Variants in BCL11A observed in about 807,000 individuals in gnomAD.
BCL11A encodes the protein BCL11 transcription factor A.
A neutral mutation model predicts 55.9 loss-of-function variants in BCL11A; 2 were observed. That is an observed-to-expected ratio of 0.04 (90% CI 0.01 to 0.11). The LOEUF (loss-of-function observed/expected upper bound fraction) is 0.11. Among genes scored for constraint, BCL11A ranks in the 10% least tolerant of loss-of-function variants. The pLI is 1.00. For synonymous variants in BCL11A, 465 were observed against 473.4 expected, an observed-to-expected ratio of 0.98 and a Z score of 0.23; for missense variants, 817 against 1,137.1, an observed-to-expected ratio of 0.72 and a Z score of 4.05.
At chr2:60,513,471 C>T (rs1178254546) in intron 2 of BCL11A, among the ~76,000 whole-genome samples, 1 of 152,178 alleles carries the variant, frequency 6.6e-6, no homozygotes, top group South Asian at 2.1e-4. Context: ...CCATGGGAAC[C>T]CCTTTGGCAG....
intron 2 of BCL11A, chr2:60,527,782 G>A (rs1466202213): frequency 6.6e-6 from 1 of 152,210 alleles, no homozygotes; most frequent in African/African-American, 2.4e-5. Context: ...TCTCAGTGGA[G>A]GTCTATGTTA....
rs1158751961 is a variant in BCL11A, at chr2:60,461,120, C to T, written c.1792G>A (p.Asp598Asn). Residue 598 changes from aspartate (D) to asparagine (N), a missense_variant, in exon 4 of 4, where the codon GAC becomes AAC. This residue lies in a region of BCL11A where 379 missense variants were observed against 425.3 expected (regional missense o/e 0.89). Transcript: ENST00000642384. Reference sequence around the variant, plus strand: ...CCGCGGCCATTAACAGTGCCATCGTCTATGCGGTCCGACTCGCCGGCCACC... The same window carrying T: ...CCGCGGCCATTAACAGTGCCATCGTTTATGCGGTCCGACTCGCCGGCCACC... ...DSVAGESDRI[D>N]DGTVNGRGCS... 2 of 1,609,844 alleles carry T rather than the reference C, an allele frequency of 1.2e-6. No homozygotes were observed. Among genetic ancestry groups the T allele is most frequent in the African/African-American group, 2.7e-5 (2 of 74,904 alleles).
rs74743473 is a variant in BCL11A, at chr2:60,482,170, A to G, written c.386-13337T>C. 9.9e-3 allele frequency among the ~76,000 whole-genome samples: 1,499 copies of G among 151,866 alleles called. 22 individuals are homozygous for G. The highest frequency in any genetic ancestry group is 0.035 in the African/African-American group (1,429 of 41,354). On this transcript the variant is annotated intron_variant, in intron 2 of 3. Coordinates refer to ENST00000642384, the MANE Select transcript of BCL11A (RefSeq NM_022893.4). Reference sequence around the variant, plus strand: ...GCATCTCTCATGATTCTATCTTGAGAGTTTAGTTTGGTTGGAGTTTAGTTT... The same window carrying G: ...GCATCTCTCATGATTCTATCTTGAGGGTTTAGTTTGGTTGGAGTTTAGTTT...
rs562106993 is a variant in BCL11A, at chr2:60,523,551, A to ATACGTATG, written c.385+22412_385+22419dup. 7.7e-3 allele frequency among the ~76,000 whole-genome samples: 1,176 copies of ATACGTATG among 152,244 alleles called. 6 individuals are homozygous for ATACGTATG. The highest frequency in any genetic ancestry group is 0.012 in the Non-Finnish European group (849 of 68,018). The stretch of plus-strand genomic sequence containing the variant: ...ACTATATATATATTCATACATGCAT[A>ATACGTATG]TACGTATGTATATATGTAGTATGTA... On this transcript the variant is annotated intron_variant, in intron 2 of 3. Transcript: ENST00000642384.
Position 60,461,439 on chromosome 2 carries a change from G to T in BCL11A, c.1473C>A (p.Asp491Glu). The T allele has an allele frequency of 6.2e-7, 1 of 1,603,514 alleles. No individual in the cohort carries two copies. Residue 491 changes from aspartate (D) to glutamate (E), a missense_variant, in exon 4 of 4, where the codon GAC becomes GAA. Asp to Glu is a conservative substitution (Grantham distance 45, BLOSUM62 2). This residue lies in a region of BCL11A where 379 missense variants were observed against 425.3 expected (regional missense o/e 0.89). Transcript: ENST00000642384. ...ENGDEEEEED[D>E]EEEEEEEEEE... is the part of the protein sequence containing the mutation. ...CTTCCTCCTCTTCTTCCTCTTCCTC[G>T]TCGTCCTCCTCTTCCTCCTCGTCCC...
intron 2 of BCL11A, among the ~76,000 whole-genome samples, chr2:60,488,082 TA>T (rs1266636565): frequency 6.6e-6 from 1 of 152,258 alleles, no homozygotes; most frequent in Non-Finnish European, 1.5e-5. Flanking sequence ...AAAAACACAG[TA>T]ACACTTACAA....
intron 1 of BCL11A, among the ~76,000 whole-genome samples, chr2:60,552,891 G>C (rs529522229): frequency 1.9e-4 from 28 of 147,078 alleles, no homozygotes; most frequent in African/African-American, 3.8e-4. Flanking sequence ...AACTGGCGGG[G>C]CGGGGGGGGA....
chr2:60,497,875 C>T (rs1285867076), intron 2 of BCL11A, among the ~76,000 whole-genome samples: 3 of 152,044 alleles, frequency 2.0e-5, no homozygotes, highest in Non-Finnish European at 4.4e-5. Context: ...CTAAATGAAA[C>T]CAAGCTTCCT....
chr2:60,516,550 C>A (rs569439403), intron 2 of BCL11A, among the ~76,000 whole-genome samples: 1 of 152,266 alleles, frequency 6.6e-6, no homozygotes, highest in South Asian at 2.1e-4. Context: ...TCACCGTCAT[C>A]CGGGGAAGTG....
intron 3 of BCL11A, among the ~76,000 whole-genome samples, chr2:60,468,194 C>G (rs904849362): frequency 3.3e-5 from 5 of 151,748 alleles, no homozygotes; most frequent in African/African-American, 7.3e-5. Flanking sequence ...CAATGATGTG[C>G]ATTTTTCTCT....
At position 60,461,200 on chromosome 2, in the gene BCL11A, T is replaced by C. The variant is rs773784094; in HGVS notation, c.1712A>G (p.Lys571Arg). 2 of 1,612,258 alleles carry C rather than the reference T, an allele frequency of 1.2e-6. No homozygotes were observed. The highest frequency in any genetic ancestry group is 1.3e-5 in the African/African-American group (1 of 74,930). ...AFHQVLGEKH[K>R]RGHLAEAEGH... Reference sequence around the variant, plus strand: ...CTCGGCCTCGGCCAGGTGGCCGCGCTTATGCTTCTCGCCCAGGACCTGGTG... The same window carrying C: ...CTCGGCCTCGGCCAGGTGGCCGCGCCTATGCTTCTCGCCCAGGACCTGGTG... The change falls in exon 4 of 4, where the codon AAG becomes AGG. Residue 571 changes from lysine (K) to arginine (R), a missense_variant. Around this residue, in one of 4 missense-constraint regions of BCL11A, gnomAD observed 379 missense variants for 425.3 expected, o/e 0.89. Coordinates refer to ENST00000642384, the MANE Select transcript of BCL11A (RefSeq NM_022893.4).
chr2:60,500,295 G>A (rs899994686), intron 2 of BCL11A, among the ~76,000 whole-genome samples: 4 of 152,228 alleles, frequency 2.6e-5, no homozygotes, highest in African/African-American at 9.6e-5. Context: ...AGGGGACAGG[G>A]GGCAGGTAGG....
At chr2:60,495,345 C>G (rs887581519) in intron 2 of BCL11A, among the ~76,000 whole-genome samples, 1 of 152,204 alleles carries the variant, frequency 6.6e-6, no homozygotes, top group Non-Finnish European at 1.5e-5. Context: ...AGAGTAGATG[C>G]CATATCTCTT....
At position 60,459,065 on chromosome 2, in the gene BCL11A, T is replaced by C. The variant is rs1428039068; in HGVS notation, c.*1339A>G. The C allele has an allele frequency of 9.9e-7, 1 of 1,014,898 alleles. No individual in the cohort carries two copies. Among genetic ancestry groups the C allele is most frequent in the Non-Finnish European group, 1.2e-6 (1 of 844,062 alleles). 62.9% of individuals were successfully genotyped at this position (1,014,898 alleles called of 1,614,324 possible). Reference sequence around the variant, plus strand: ...GAATTCATAGTTAATCATCATTGTATCAATATTAGCTTATATACCTGTTCT... The same window carrying C: ...GAATTCATAGTTAATCATCATTGTACCAATATTAGCTTATATACCTGTTCT... On this transcript the variant is annotated 3_prime_UTR_variant, in exon 4 of 4. Transcript: ENST00000642384.
intron 2 of BCL11A, among the ~76,000 whole-genome samples, chr2:60,523,487 TTCTC>T (rs1484112882): frequency 2.6e-5 from 4 of 152,024 alleles, no homozygotes; most frequent in East Asian, 1.9e-4. Context: ...GACTTTCCTA[TTCTC>T]TCTCTCTCCC....
At chr2:60,488,625 C>A (rs1308887559) in intron 2 of BCL11A, among the ~76,000 whole-genome samples, 3 of 152,138 alleles carry the variant, frequency 2.0e-5, no homozygotes, top group Non-Finnish European at 2.9e-5. Flanking sequence ...CAGGGGAATT[C>A]GGTAAAACTT....
At chr2:60,464,743 C>A (rs1012264546) in intron 3 of BCL11A, among the ~76,000 whole-genome samples, 3 of 152,146 alleles carry the variant, frequency 2.0e-5, no homozygotes, top group African/African-American at 7.2e-5. Flanking sequence ...TTCAAAAAGG[C>A]TTAAATGAGA....
chr2:60,467,948 A>G (rs1165547094), intron 3 of BCL11A, among the ~76,000 whole-genome samples: 103 of 69,138 alleles, frequency 1.5e-3, no homozygotes, highest in Non-Finnish European at 1.7e-3. Flanking sequence ...GGTGGTGGTG[A>G]TGGTACTGGT....
intron 1 of BCL11A, among the ~76,000 whole-genome samples, chr2:60,551,924 C>T (rs1204781540): frequency 6.6e-6 from 1 of 152,038 alleles, no homozygotes; most frequent in East Asian, 1.9e-4. Flanking sequence ...AGGAGGCTCC[C>T]GCACACGCGG....
Sources: gnomAD v4.1 joint callset for allele counts (sites outside exome capture counted in the v4.1 genomes callset) on GRCh38, gnomAD v4.1.1 for gene constraint, gnomAD v4.1.1 regional missense constraint, MANE v1.5 for transcripts, NCBI Gene and HGNC (gene_info 2026-07-23, HGNC 2026-07-21) for gene names.